TFCP2: variants seen among roughly 807,000 people sequenced by gnomAD.
The protein encoded by TFCP2 is alpha-globin transcription factor CP2.
Under a neutral mutation model 73.4 loss-of-function variants are expected in TFCP2, and 33 were observed. The observed-to-expected ratio is 0.45, with a 90% CI of 0.34 to 0.60. The LOEUF is 0.60. Among genes scored for constraint, TFCP2 ranks in the 20% least tolerant of loss-of-function variants. The pLI, the probability that TFCP2 is intolerant of heterozygous loss-of-function variation, is 0.01. For synonymous variants in TFCP2, 193 were observed against 211.6 expected, an observed-to-expected ratio of 0.91 and a Z score of 0.76; for missense variants, 352 against 604.0, an observed-to-expected ratio of 0.58 and a Z score of 4.37.
At chr12:51,125,957 A>C (rs369420621) in intron 1 of TFCP2, among the ~76,000 whole-genome samples, 3 of 151,500 alleles carry the variant, frequency 2.0e-5, no homozygotes, top group Admixed American at 2.0e-4. Flanking sequence ...TTGGCCAGGC[A>C]CGGTGGCTCA....
In TFCP2 at chr12:51,094,952, T is replaced by C; in HGVS notation, c.*289A>G. On this transcript the variant is annotated 3_prime_UTR_variant, in exon 15 of 15. Transcript: ENST00000257915. The stretch of plus-strand genomic sequence containing the variant: ...ATTCCCATCATCATTATGCCCTACA[T>C]ACACTCTAAATTATGTAGAGTTTCT... 2.3e-6 allele frequency: 1 copy of C among 444,010 alleles called. No homozygotes were observed. Among genetic ancestry groups the C allele is most frequent in the East Asian group, 3.5e-5 (1 of 28,544 alleles). 27.5% of individuals were successfully genotyped at this position (444,010 alleles called of 1,614,324 possible).
At chr12:51,148,897 C>T (rs1941357907) in intron 1 of TFCP2, among the ~76,000 whole-genome samples, 1 of 150,314 alleles carries the variant, frequency 6.7e-6, no homozygotes, top group Non-Finnish European at 1.5e-5. Context: ...TGGTGTCAGG[C>T]ACCTGTAATT....
At chr12:51,133,166 T>C (rs1940987196) in intron 1 of TFCP2, among the ~76,000 whole-genome samples, 1 of 152,026 alleles carries the variant, frequency 6.6e-6, no homozygotes, top group Non-Finnish European at 1.5e-5. Flanking sequence ...CCAAAAGCCA[T>C]TGTATGACAT....
At chr12:51,114,747 T>A (rs561818536) in intron 4 of TFCP2, among the ~76,000 whole-genome samples, 10 of 151,730 alleles carry the variant, frequency 6.6e-5, no homozygotes, top group Admixed American at 6.6e-4. Context: ...TTCACAACCA[T>A]CAGGATGGAT....
intron 1 of TFCP2, among the ~76,000 whole-genome samples, chr12:51,142,607 T>G (rs1323066923): frequency 6.6e-6 from 1 of 152,160 alleles, no homozygotes; most frequent in African/African-American, 2.4e-5. Context: ...AAGAACCTTT[T>G]TCCTCTGATT....
intron 1 of TFCP2, among the ~76,000 whole-genome samples, chr12:51,160,486 C>A (rs966033323): frequency 6.6e-6 from 1 of 151,364 alleles, no homozygotes; most frequent in African/African-American, 2.4e-5. Context: ...ATGAAATTAT[C>A]TTTTAAGTGA....
rs537138026 is a variant in TFCP2 at position 51,095,925 on chromosome 12, T to C, written c.1471+64A>G. ...TCCTATCTCTCCTCAAAGAAGTATG[T>C]ACTTTGCCTAGTAGTAGTAAAGCTG... On this transcript the variant is annotated intron_variant, in intron 14 of 14. Transcript: ENST00000257915. 21 of 1,308,308 alleles carry C rather than the reference T, an allele frequency of 1.6e-5. No homozygotes were observed. In the African/African-American group the frequency reaches 3.1e-4, roughly 19 times the overall value. 81.0% of individuals were successfully genotyped at this position (1,308,308 alleles called of 1,614,324 possible). A position where few individuals can be genotyped will look rare whatever the true frequency, so the allele number is the denominator to read the frequency against.
intron 1 of TFCP2, 57 bp from the exon 2 acceptor site, chr12:51,118,829 A>G: frequency 1.3e-6 from 2 of 1,574,770 alleles, no homozygotes; most frequent in Non-Finnish European, 8.7e-7. Context: ...ACGCAGGTTT[A>G]TTGCTGAATG....
intron 1 of TFCP2, among the ~76,000 whole-genome samples, chr12:51,135,139 A>G (rs1941033261): frequency 6.6e-6 from 1 of 150,398 alleles, no homozygotes. Context: ...AAAACCTACA[A>G]TTCAGGGCCA....
At chr12:51,095,316 C>G in intron 14 of TFCP2, 38 bp from the exon 15 acceptor site, 1 of 1,604,934 alleles carries the variant, frequency 6.2e-7, no homozygotes, top group Non-Finnish European at 8.5e-7. Context: ...CATCTTTAGT[C>G]ACCTCTAAAA....
chr12:51,105,097 TTTC>T (rs1940197957), intron 8 of TFCP2, among the ~76,000 whole-genome samples: 1 of 151,316 alleles, frequency 6.6e-6, no homozygotes, highest in South Asian at 2.1e-4. Flanking sequence ...AGTTTTTCTT[TTTC>T]TTTTTTTTTT....
At chr12:51,133,829 C>A (rs1941003214) in intron 1 of TFCP2, among the ~76,000 whole-genome samples, 1 of 146,790 alleles carries the variant, frequency 6.8e-6, no homozygotes, top group Non-Finnish European at 1.5e-5. Context: ...GGCTGAGGCA[C>A]AAGAATCACT....
intron 1 of TFCP2, among the ~76,000 whole-genome samples, chr12:51,150,787 C>CT (rs921525538): frequency 1.2e-4 from 18 of 152,172 alleles, no homozygotes; most frequent in African/African-American, 4.1e-4. Flanking sequence ...TAGTACTTGC[C>CT]TTTTTTAAGA....
chr12:51,145,916 C>T lies in TFCP2; in HGVS notation c.122+26385G>A, dbSNP rs542642196. ...GCAGTGAGCTGTGATTGCCACTGCA[C>T]TCCAGCCTGGTCGACAGAGCAAGAC... On this transcript the variant is annotated intron_variant, in intron 1 of 14. Coordinates refer to ENST00000257915, the MANE Select transcript of TFCP2 (RefSeq NM_005653.5). Among the ~76,000 whole-genome samples the T allele has an allele frequency of 2.0e-5, 3 of 152,120 alleles. No homozygotes were observed. In the East Asian group the frequency reaches 5.8e-4, roughly 29 times the overall value.
intron 9 of TFCP2, 167 bp downstream of exon 9, chr12:51,103,988 T>C (rs1592790001): frequency 1.3e-6 from 1 of 769,918 alleles, no homozygotes; most frequent in Non-Finnish European, 2.2e-6. Context: ...TTGTTTCATA[T>C]CTTTAGTCCC....
intron 1 of TFCP2, among the ~76,000 whole-genome samples, chr12:51,135,420 G>A (rs1941040228): frequency 1.6e-5 from 1 of 62,428 alleles, no homozygotes; most frequent in African/African-American, 5.0e-5. Flanking sequence ...GAGTGAGACT[G>A]TCACACACAC....
intron 1 of TFCP2, among the ~76,000 whole-genome samples, chr12:51,126,232 C>CAAAAAA (rs371407608): frequency 1.7e-3 from 145 of 85,268 alleles, no homozygotes; most frequent in African/African-American, 1.9e-3. Context: ...GACTCTGTCT[C>CAAAAAA]AAAAAAAAAA....
Position 51,109,133 on chromosome 12 carries a change from G to T in TFCP2, c.705C>A (p.Ile235=), listed in dbSNP as rs768788734. ...TEHLHSASCQ[I]KVFKPKGADR... Reference sequence around the variant, plus strand: ...TGCCCAGGAATACCTTGAAAACTTTGATCTGGCAGCTGGCCGAGTGTAAGT... The same window carrying T: ...TGCCCAGGAATACCTTGAAAACTTTTATCTGGCAGCTGGCCGAGTGTAAGT... Residue 235 remains isoleucine, a synonymous_variant, in exon 6 of 15, where the codon ATC becomes ATA. Coordinates refer to ENST00000257915, the MANE Select transcript of TFCP2 (RefSeq NM_005653.5). 2 of 1,614,158 alleles carry T rather than the reference G, an allele frequency of 1.2e-6. No homozygotes were observed. The highest frequency in any genetic ancestry group is 8.5e-7 in the Non-Finnish European group (1 of 1,180,010).
chr12:51,107,853 C>T (rs1344084184), intron 6 of TFCP2, among the ~76,000 whole-genome samples: 3 of 151,998 alleles, frequency 2.0e-5, no homozygotes, highest in Non-Finnish European at 4.4e-5. Flanking sequence ...ATCCGCCCAC[C>T]TCGGCCTCCC....
Sources: allele counts gnomAD v4.1 joint callset (sites outside exome capture counted in the v4.1 genomes callset), GRCh38; gene constraint gnomAD v4.1.1; transcripts MANE v1.5; gene names NCBI Gene and HGNC (gene_info 2026-07-23, HGNC 2026-07-21).